Variants in JMJD1C observed in about 807,000 individuals in gnomAD.
JMJD1C encodes the protein jumonji domain-containing protein 1C.
JMJD1C carries 31 observed loss-of-function variants against 245.3 expected under a neutral mutation model. That is an observed-to-expected ratio of 0.13 (90% CI 0.09 to 0.17). JMJD1C has a LOEUF of 0.17. JMJD1C is among the 10% of genes least tolerant of loss of function. The pLI is 1.00. For missense variants in JMJD1C, 2,691 were observed against 3,000.2 expected, an observed-to-expected ratio of 0.90 and a Z score of 2.41; for synonymous variants, 1,057 against 1,017.4, an observed-to-expected ratio of 1.04 and a Z score of -0.74.
intron 2 of JMJD1C, among the ~76,000 whole-genome samples, chr10:63,296,635 G>A (rs565170439): frequency 1.3e-5 from 2 of 152,316 alleles, no homozygotes; most frequent in South Asian, 4.1e-4. Flanking sequence ...GCGTATAGGT[G>A]ACAAAAATTT....
intron 2 of JMJD1C, among the ~76,000 whole-genome samples, chr10:63,369,056 GAA>G (rs1194948270): frequency 6.6e-6 from 1 of 152,050 alleles, no homozygotes; most frequent in Non-Finnish European, 1.5e-5. Flanking sequence ...ATAGCCTAAG[GAA>G]GAATTAGTTA....
At chr10:63,270,666 C>T (rs548158778) in intron 2 of JMJD1C, among the ~76,000 whole-genome samples, 32 of 152,226 alleles carry the variant, frequency 2.1e-4, no homozygotes, top group African/African-American at 7.7e-4. Context: ...CAGGGTTTCA[C>T]CATGTTGTCC....
At chr10:63,305,171 A>T (rs1937852573) in intron 2 of JMJD1C, among the ~76,000 whole-genome samples, 1 of 151,950 alleles carries the variant, frequency 6.6e-6, no homozygotes, top group Non-Finnish European at 1.5e-5. Context: ...GATCGAGACC[A>T]TCCTCGCCCA....
intron 3 of JMJD1C, among the ~76,000 whole-genome samples, chr10:63,256,467 T>C (rs1476363307): frequency 1.3e-5 from 2 of 152,198 alleles, no homozygotes; most frequent in African/African-American, 2.4e-5. Context: ...CAACTTTATA[T>C]TAAAAATAAT....
At chr10:63,178,199 C>A (rs1165130464) in intron 22 of JMJD1C, among the ~76,000 whole-genome samples, 1 of 152,086 alleles carries the variant, frequency 6.6e-6, no homozygotes, top group South Asian at 2.1e-4. Context: ...CTTGGGCCTC[C>A]CAAAGTGCTA....
intron 1 of JMJD1C, among the ~76,000 whole-genome samples, chr10:63,459,016 T>C (rs1202009392): frequency 2.0e-5 from 3 of 152,158 alleles, no homozygotes; most frequent in Non-Finnish European, 2.9e-5. Context: ...GCCACCGCGC[T>C]TGGCCTATAG....
intron 1 of JMJD1C, among the ~76,000 whole-genome samples, chr10:63,519,714 G>C (rs1294117029): frequency 6.6e-6 from 1 of 152,210 alleles, no homozygotes; most frequent in African/African-American, 2.4e-5. Flanking sequence ...ACAGAATGGG[G>C]AGCAAAGTGT....
intron 3 of JMJD1C, among the ~76,000 whole-genome samples, chr10:63,243,103 T>TTTTATATATATATATATATA (rs374884422): frequency 8.3e-6 from 1 of 120,124 alleles, no homozygotes; most frequent in South Asian, 2.9e-4. Flanking sequence ...CTAACATAAA[T>TTTTATATATATATATATATA]TATATATATA....
intron 2 of JMJD1C, among the ~76,000 whole-genome samples, chr10:63,278,075 G>C (rs1256761861): frequency 6.6e-6 from 1 of 151,506 alleles, no homozygotes; most frequent in Non-Finnish European, 1.5e-5. Flanking sequence ...AATAAGATTT[G>C]AAACTAAGCT....
At chr10:63,331,678 T>C (rs1278596135) in intron 2 of JMJD1C, among the ~76,000 whole-genome samples, 1 of 152,200 alleles carries the variant, frequency 6.6e-6, no homozygotes, top group African/African-American at 2.4e-5. Context: ...AGTGGTGCAA[T>C]CTCAGCTCAC....
chr10:63,447,180 G>A (rs984220334), intron 1 of JMJD1C, among the ~76,000 whole-genome samples: 5 of 151,854 alleles, frequency 3.3e-5, no homozygotes, highest in Admixed American at 6.6e-5. Flanking sequence ...TTTTTATCAA[G>A]CAAGTTTCTC....
At position 63,493,249 on chromosome 10, in the gene JMJD1C, C is replaced by CTTTTTTTTTTT. The variant is rs752941477; in HGVS notation, n.113+28478_113+28488dup. On this transcript the variant is annotated intron_variant and non_coding_transcript_variant, in intron 1 of 3. Transcript: ENST00000633035. Reference sequence around the variant, plus strand: ...GTAGATGGGAACAAAACTGTTATTTCTTTTTTTTTTTTTTTTTTTTTTTTT... The same window carrying CTTTTTTTTTTT: ...GTAGATGGGAACAAAACTGTTATTTCTTTTTTTTTTTTTTTTTTTTTTTTTTTTTTTTTTTT... Among the ~76,000 whole-genome samples, 129 of 49,152 alleles carry CTTTTTTTTTTT rather than the reference C, an allele frequency of 2.6e-3. 15 individuals are homozygous for CTTTTTTTTTTT. Among genetic ancestry groups the CTTTTTTTTTTT allele is most frequent in the Admixed American group, 4.3e-3 (11 of 2,578 alleles). The allele number at this position is 49,152 out of a possible 152,430, so 32.2% of individuals were successfully genotyped here.
rs749897586 is a variant in JMJD1C at position 63,380,496 on chromosome 10, A to C, written c.169-14T>G. 1 of 1,595,790 alleles carries C rather than the reference A, an allele frequency of 6.3e-7. No homozygotes were observed. The highest frequency in any genetic ancestry group is 1.4e-5 in the African/African-American group (1 of 73,696). On this transcript the variant is annotated splice_polypyrimidine_tract_variant and intron_variant, in intron 1 of 25. Transcript: ENST00000399262. ...TTCCACATACACCTATGAAAACAAAAACACAAAATTCAATTAGCAAAATAG... is the reference window on the plus strand; with the variant it reads ...TTCCACATACACCTATGAAAACAAACACACAAAATTCAATTAGCAAAATAG...
intron 1 of JMJD1C, among the ~76,000 whole-genome samples, chr10:63,413,229 G>C (rs1362230538): frequency 6.6e-6 from 1 of 152,100 alleles, no homozygotes; most frequent in Non-Finnish European, 1.5e-5. Context: ...CAGGAAAAGA[G>C]GTCAAAGACA....
At chr10:63,335,447 C>A (rs1353461023) in intron 2 of JMJD1C, among the ~76,000 whole-genome samples, 1 of 152,136 alleles carries the variant, frequency 6.6e-6, no homozygotes, top group Admixed American at 6.6e-5. Context: ...AAAATTGATT[C>A]CAAATATAAT....
chr10:63,457,558 T>C lies in JMJD1C; in HGVS notation c.168+7937A>G, dbSNP rs529856258. Among the ~76,000 whole-genome samples the C allele has an allele frequency of 5.7e-4, 86 of 152,142 alleles. 1 individual carries two copies. Among genetic ancestry groups the C allele is most frequent in the African/African-American group, 2.0e-3 (81 of 41,504 alleles). On this transcript the variant is annotated intron_variant, in intron 1 of 25. Transcript: ENST00000399262. Reference sequence around the variant, plus strand: ...ACAAACAGTAAGCAAAGGACTGAATTTGAAATACCAAATTAAGAAGATGAA... The same window carrying C: ...ACAAACAGTAAGCAAAGGACTGAATCTGAAATACCAAATTAAGAAGATGAA...
At chr10:63,244,899 G>C (rs1483451250) in intron 3 of JMJD1C, among the ~76,000 whole-genome samples, 1 of 151,968 alleles carries the variant, frequency 6.6e-6, no homozygotes, top group African/African-American at 2.4e-5. Flanking sequence ...CACTTTGGGA[G>C]GCCAAGGCAG....
At chr10:63,396,234 C>T (rs1332350295) in intron 1 of JMJD1C, among the ~76,000 whole-genome samples, 1 of 152,042 alleles carries the variant, frequency 6.6e-6, no homozygotes, top group African/African-American at 2.4e-5. Flanking sequence ...ATCTCACGTG[C>T]CTTTTATGTT....
intron 2 of JMJD1C, among the ~76,000 whole-genome samples, chr10:63,288,305 T>A (rs1056849821): frequency 3.9e-5 from 6 of 152,254 alleles, no homozygotes; most frequent in African/African-American, 1.4e-4. Context: ...TTTCTCCATG[T>A]CTTTTCATAG....
Sources: gnomAD v4.1 joint callset for allele counts (sites outside exome capture counted in the v4.1 genomes callset) on GRCh38, gnomAD v4.1.1 for gene constraint, MANE v1.5 for transcripts, NCBI Gene and HGNC (gene_info 2026-07-23, HGNC 2026-07-21) for gene names.